STEAP1: variants seen among roughly 807,000 people sequenced by gnomAD.
STEAP1 encodes the protein STEAP1 protein.
In STEAP1, 30 loss-of-function variants were observed where a neutral mutation model predicts 34.4. The observed-to-expected ratio is 0.87, with a 90% CI of 0.65 to 1.18. STEAP1 has a LOEUF of 1.18. STEAP1 is among the 50% of genes most tolerant of loss of function. The pLI is 0.00. For missense variants in STEAP1, 318 were observed against 391.1 expected, an observed-to-expected ratio of 0.81 and a Z score of 1.58; for synonymous variants, 116 against 135.3, an observed-to-expected ratio of 0.86 and a Z score of 0.99.
chr7:90,162,298 TG>T (rs974373887), intron 4 of STEAP1: 7 of 715,240 alleles, frequency 9.8e-6, no homozygotes, highest in African/African-American at 5.7e-5. Context: ...AAATATTCTT[TG>T]TTTTTTTTTT....
In STEAP1 at chr7:90,160,887, A is replaced by G. The variant is rs1794174004; in HGVS notation, c.167A>G (p.Asp56Gly). 4 of 1,614,024 alleles carry G rather than the reference A, an allele frequency of 2.5e-6. No individual in the cohort carries two copies. Among genetic ancestry groups the G allele is most frequent in the Non-Finnish European group, 3.4e-6 (4 of 1,179,868 alleles). Residue 56 changes from aspartate to glycine, a missense_variant, in exon 3 of 5, where the codon GAC (aspartate) becomes GGC (glycine). Transcript: ENST00000297205. Reference sequence around the variant, plus strand: ...CAAACAGCCCATGCTGATGAATTTGACTGCCCTTCAGAACTTCAGCACACA... The same window carrying G: ...CAAACAGCCCATGCTGATGAATTTGGCTGCCCTTCAGAACTTCAGCACACA... ...LHQTAHADEFDCPSELQHTQE... is the reference protein window; with the variant it reads ...LHQTAHADEFGCPSELQHTQE...
intron 1 of STEAP1, among the ~76,000 whole-genome samples, chr7:90,155,660 G>A (rs1794108448): frequency 1.3e-5 from 2 of 152,138 alleles, no homozygotes; most frequent in Non-Finnish European, 2.9e-5. Context: ...AAATTTATTT[G>A]ACTCATAGTT....
chr7:90,155,754 T>C (rs1180584705), intron 1 of STEAP1, among the ~76,000 whole-genome samples: 1 of 152,176 alleles, frequency 6.6e-6, no homozygotes, highest in Non-Finnish European at 1.5e-5. Flanking sequence ...TTTCCTTGGC[T>C]TTGCTCTTGA....
Position 90,161,906 on chromosome 7 carries a change from T to C in STEAP1, c.598-8T>C. 1 of 1,585,488 alleles carries C rather than the reference T, an allele frequency of 6.3e-7. No individual in the cohort carries two copies. The highest frequency in any genetic ancestry group is 8.5e-7 in the Non-Finnish European group (1 of 1,170,524). ...GCATTTCTTCTTTCTTTATTTACCT[T>C]CTGGTAGGTCCAACAAAATAAAGAA... On this transcript the variant is annotated splice_region_variant and splice_polypyrimidine_tract_variant and intron_variant, in intron 3 of 4. Transcript: ENST00000297205.
chr7:90,156,527 C>G (rs1297111072), intron 1 of STEAP1, among the ~76,000 whole-genome samples: 1 of 152,202 alleles, frequency 6.6e-6, no homozygotes, highest in Non-Finnish European at 1.5e-5. Flanking sequence ...GGCAGGCCAG[C>G]GAGCATTACT....
At chr7:90,160,594 C>T (rs1404865450) in intron 2 of STEAP1, among the ~76,000 whole-genome samples, 3 of 150,570 alleles carry the variant, frequency 2.0e-5, no homozygotes, top group Admixed American at 1.3e-4. Context: ...ACTGTCTTAC[C>T]TGTCTGAAGC....
At chr7:90,154,886 A>G (rs1459791823) in intron 1 of STEAP1, among the ~76,000 whole-genome samples, 1 of 152,238 alleles carries the variant, frequency 6.6e-6, no homozygotes, top group Non-Finnish European at 1.5e-5. Context: ...AACGTGGCAA[A>G]GTTGCCAGAG....
At chr7:90,162,382 A>C (rs2115968609) in intron 4 of STEAP1, 1 of 262,730 alleles carries the variant, frequency 3.8e-6, no homozygotes, top group Non-Finnish European at 6.6e-6. Flanking sequence ...ATGCTGGAGT[A>C]CAGTGGCACG....
In STEAP1 at chr7:90,164,772, T is replaced by C. The variant is rs566035351; in HGVS notation, c.*38T>C. On this transcript the variant is annotated 3_prime_UTR_variant, in exon 5 of 5. Coordinates refer to ENST00000297205, the MANE Select transcript of STEAP1 (RefSeq NM_012449.3). ...CACACATTTTTGTTCAATATTGATA[T>C]ATTTTATCACCAACATTTCAAGTTT... 235 of 1,523,782 alleles carry C rather than the reference T, an allele frequency of 1.5e-4. 3 individuals carry two copies. The South Asian group carries it at 2.8e-3, about 18-fold the overall frequency. 94.4% of individuals were successfully genotyped at this position (1,523,782 alleles called of 1,614,324 possible).
intron 3 of STEAP1, among the ~76,000 whole-genome samples, chr7:90,161,702 A>C (rs545821455): frequency 6.6e-6 from 1 of 152,032 alleles, no homozygotes; most frequent in African/African-American, 2.4e-5. Context: ...AAATTAATAG[A>C]TTATGGAAGT....
At position 90,162,308 on chromosome 7, in the gene STEAP1, T is replaced by TTTG. The variant is rs1554336336; in HGVS notation, c.762+232_762+233insGTT. On this transcript the variant is annotated intron_variant, in intron 4 of 4. Transcript: ENST00000297205. ...CATTAAAATATTCTTTGTTTTTTTT[T>TTTG]TTTGTTTGTTTGTTTTTTGTTTGTT... The TTTG allele has an allele frequency of 4.3e-3, 2,555 of 596,136 alleles. 8 individuals carry two copies. Among genetic ancestry groups the TTTG allele is most frequent in the Middle Eastern group, 0.011 (18 of 1,674 alleles). The allele number at this position is 596,136 out of a possible 1,614,324, so 36.9% of individuals were successfully genotyped here. A position where few individuals can be genotyped will look rare whatever the true frequency, so the allele number is the denominator to read the frequency against.
In STEAP1 at chr7:90,160,349, C is replaced by T. The variant is rs1480035915; in HGVS notation, c.85-456C>T. ...TAAATCTACTTTTGGATAAGAATCA[C>T]TTGTTCCACTTTTGGTCAAACACAG... is the stretch of plus-strand genomic sequence containing the variant. On this transcript the variant is annotated intron_variant, in intron 2 of 4. Transcript: ENST00000297205. 2.0e-5 allele frequency among the ~76,000 whole-genome samples: 3 copies of T among 152,188 alleles called. No homozygotes were observed. The East Asian group carries it at 5.8e-4, about 29-fold the overall frequency.
chr7:90,157,654 C>A (rs932303663), intron 1 of STEAP1, among the ~76,000 whole-genome samples: 8 of 152,136 alleles, frequency 5.3e-5, no homozygotes, highest in African/African-American at 1.9e-4. Context: ...AGAATGTGGG[C>A]AAACTAAAAC....
In STEAP1 at chr7:90,161,143, T is replaced by C; in HGVS notation, c.423T>C (p.Leu141=). 6.2e-7 allele frequency: 1 copy of C among 1,613,996 alleles called. No homozygotes were observed. Among genetic ancestry groups the C allele is most frequent in the Non-Finnish European group, 8.5e-7 (1 of 1,179,876 alleles). Residue 141 remains leucine, a synonymous_variant, in exon 3 of 5, where the codon CTT becomes CTC. Transcript: ENST00000297205. ...GTGTGATAGCAGCAATTGTCCAACT[T>C]CATAATGGAACCAAGTATAAGAAGT... is the stretch of plus-strand genomic sequence containing the variant. ...LPGVIAAIVQ[L]HNGTKYKKFP...
intron 2 of STEAP1, among the ~76,000 whole-genome samples, chr7:90,160,262 TCATAGACACAGTGG>T (rs1415044272): frequency 2.0e-5 from 3 of 152,160 alleles, no homozygotes; most frequent in Non-Finnish European, 4.4e-5. Context: ...AGCATTTTTG[TCATAGACACAGTGG>T]CAGCTTACCA....
chr7:90,157,908 G>A (rs1794135280), intron 1 of STEAP1, among the ~76,000 whole-genome samples: 1 of 152,158 alleles, frequency 6.6e-6, no homozygotes, highest in Non-Finnish European at 1.5e-5. Flanking sequence ...ATCATAGAGT[G>A]TACTTACATA....
chr7:90,164,749 C>T lies in STEAP1; in HGVS notation c.*15C>T. 5 of 1,589,050 alleles carry T rather than the reference C, an allele frequency of 3.1e-6. No individual in the cohort carries two copies. The highest frequency in any genetic ancestry group is 4.3e-6 in the Non-Finnish European group (5 of 1,167,778). ...CCCAGTTGTAGAATTACTGTTTACACACATTTTTGTTCAATATTGATATAT... is the reference window on the plus strand; with the variant it reads ...CCCAGTTGTAGAATTACTGTTTACATACATTTTTGTTCAATATTGATATAT... On this transcript the variant is annotated 3_prime_UTR_variant, in exon 5 of 5. Coordinates refer to ENST00000297205, the MANE Select transcript of STEAP1 (RefSeq NM_012449.3).
At chr7:90,161,811 A>T in intron 3 of STEAP1, 103 bp from the exon 4 acceptor site, 1 of 1,462,362 alleles carries the variant, frequency 6.8e-7, no homozygotes, top group Non-Finnish European at 9.0e-7. Context: ...GAGACCTGTT[A>T]TCAGGGCTTC....
chr7:90,163,775 T>C (rs1019270576), intron 4 of STEAP1, among the ~76,000 whole-genome samples: 4 of 152,212 alleles, frequency 2.6e-5, no homozygotes, highest in African/African-American at 4.8e-5. Context: ...TTTATTTGTG[T>C]AGTGACAAAG....
Sources: gnomAD v4.1 joint callset for allele counts (sites outside exome capture counted in the v4.1 genomes callset) on GRCh38, gnomAD v4.1.1 for gene constraint, MANE v1.5 for transcripts, NCBI Gene and HGNC (gene_info 2026-07-23, HGNC 2026-07-21) for gene names.